Variants in MYT1L observed in about 807,000 individuals in gnomAD.
MYT1L encodes the protein myelin transcription factor 1-like protein.
MYT1L carries 12 observed loss-of-function variants against 126.7 expected under a neutral mutation model. That is an observed-to-expected ratio of 0.09 (90% confidence interval 0.06 to 0.15). The LOEUF (loss-of-function observed/expected upper bound fraction) is 0.15, where lower values mean the gene tolerates loss of function less well. Ranked by LOEUF, MYT1L falls within the 10% of genes least tolerant of loss-of-function variation. MYT1L has a pLI of 1.00. For synonymous variants in MYT1L, 541 were observed against 604.2 expected (o/e 0.90, Z 1.53); for missense variants, 979 against 1,585.2 (o/e 0.62, Z 6.49).
chr2:2,034,135 A>T (rs1357236241), intron 4 of MYT1L, among the ~76,000 whole-genome samples: 1 of 152,214 alleles, frequency 6.6e-6, no homozygotes, highest in Non-Finnish European at 1.5e-5. Context: ...CTGGTTAGTA[A>T]GTCGTAGGGA....
At chr2:1,808,848 G>C (rs2036133771) in intron 22 of MYT1L, among the ~76,000 whole-genome samples, 1 of 152,192 alleles carries the variant, frequency 6.6e-6, no homozygotes, top group Non-Finnish European at 1.5e-5. Context: ...TCAGGACTTG[G>C]GCTCATGATT....
rs769843630 is a variant in MYT1L at position 1,801,673 on chromosome 2, T to C, written c.3276+23A>G. The C allele has an allele frequency of 6.7e-7, 1 of 1,503,432 alleles. No homozygotes were observed. Among genetic ancestry groups the C allele is most frequent in the East Asian group, 2.3e-5 (1 of 44,264 alleles). The allele number at this position is 1,503,432 out of a possible 1,614,324, so 93.1% of individuals were successfully genotyped here. A position where few individuals can be genotyped will look rare whatever the true frequency, so the allele number is the denominator to read the frequency against. ...ATAATGGCGCGTGTTAGAGCTAAAA[T>C]TGAGGGCTTCAAAAACTGTTACCTG... On this transcript the variant is annotated intron_variant, in intron 23 of 24. Coordinates refer to ENST00000647738, the MANE Select transcript of MYT1L (RefSeq NM_001303052.2). This position sits in a 1 kb window ranked among gnomAD's most constrained non-coding sequence, Gnocchi z 4.2.
At chr2:1,796,775 C>T (rs1253385213) in intron 23 of MYT1L, among the ~76,000 whole-genome samples, 1 of 152,114 alleles carries the variant, frequency 6.6e-6, no homozygotes, top group Non-Finnish European at 1.5e-5. Context: ...CCCGTGTCTG[C>T]AGGACTCCCG....
rs758342649 is a variant in MYT1L at position 1,791,847 on chromosome 2, T to G, written c.*20A>C. ...AGAGGCATCCTTTTTAAGCAAGAGT[T>G]TCATCACTACAGCAGCTGTTCAGAC... On this transcript the variant is annotated 3_prime_UTR_variant, in exon 25 of 25. Transcript: ENST00000647738. The surrounding 1 kb of genome is among the most constrained non-coding windows in gnomAD (Gnocchi z 6.0). The G allele has an allele frequency of 3.3e-6, 5 of 1,535,372 alleles. No homozygotes were observed. In the South Asian group the frequency reaches 6.4e-5, roughly 20 times the overall value.
intron 3 of MYT1L, among the ~76,000 whole-genome samples, chr2:2,106,648 A>G (rs911822239): frequency 6.6e-6 from 1 of 152,066 alleles, no homozygotes; most frequent in African/African-American, 2.4e-5. Context: ...ATAAATAAAT[A>G]AATAAAATTC....
intron 5 of MYT1L, among the ~76,000 whole-genome samples, chr2:1,994,678 G>T (rs2061692741): frequency 6.6e-6 from 1 of 152,204 alleles, no homozygotes; most frequent in African/African-American, 2.4e-5. Context: ...CTATAGGGCT[G>T]TTCTGAGACT....
rs562791389 is a variant in MYT1L at position 2,185,683 on chromosome 2, C to G, written c.-420-12695G>C. ...GCCCGCGTTCCTTACGTGAGGGGGA[C>G]GCAGCCGGGCCTTCCGGGCCTTCCC... is the stretch of plus-strand genomic sequence containing the variant. On this transcript the variant is annotated intron_variant, in intron 2 of 24. Coordinates refer to ENST00000647738, the MANE Select transcript of MYT1L (RefSeq NM_001303052.2). Among the ~76,000 whole-genome samples the G allele has an allele frequency of 2.4e-3, 319 of 135,130 alleles. 4 individuals carry two copies. Among genetic ancestry groups the G allele is most frequent in the Admixed American group, 0.02 (269 of 13,654 alleles). The allele number at this position is 135,130 out of a possible 152,430, so 88.7% of individuals were successfully genotyped here. A position where few individuals can be genotyped will look rare whatever the true frequency, so the allele number is the denominator to read the frequency against.
At chr2:2,106,994 G>T (rs1014546136) in intron 3 of MYT1L, among the ~76,000 whole-genome samples, 1 of 152,150 alleles carries the variant, frequency 6.6e-6, no homozygotes, top group South Asian at 2.1e-4. Flanking sequence ...CGTGGGGTTA[G>T]TTAACCTTCC....
intron 4 of MYT1L, among the ~76,000 whole-genome samples, chr2:2,015,662 T>C (rs1014223829): frequency 1.3e-5 from 2 of 151,352 alleles, no homozygotes; most frequent in African/African-American, 4.9e-5. Context: ...GAAAACCACA[T>C]GAGGAAACAA....
chr2:2,289,340 A>G (rs2149450448), intron 1 of MYT1L, among the ~76,000 whole-genome samples: 1 of 152,332 alleles, frequency 6.6e-6, no homozygotes, highest in East Asian at 1.9e-4. Flanking sequence ...ATTTTACCCC[A>G]TATTTCAAGC....
chr2:2,074,627 C>T lies in MYT1L; in HGVS notation c.-303-20504G>A, dbSNP rs73911322. Among the ~76,000 whole-genome samples the T allele has an allele frequency of 8.6e-3, 1,302 of 152,242 alleles. 17 individuals are homozygous for T. Among genetic ancestry groups the T allele is most frequent in the African/African-American group, 0.026 (1,088 of 41,532 alleles). ...GCAAAAATGAAATACGGTGTCAATACAGTAAGAAAGAGCACACTGAACAAG... is the reference window on the plus strand; with the variant it reads ...GCAAAAATGAAATACGGTGTCAATATAGTAAGAAAGAGCACACTGAACAAG... On this transcript the variant is annotated intron_variant, in intron 3 of 24. Transcript: ENST00000647738.
chr2:2,194,505 G>T (rs555794338), intron 2 of MYT1L, among the ~76,000 whole-genome samples: 2 of 152,138 alleles, frequency 1.3e-5, no homozygotes, highest in African/African-American at 4.8e-5. Context: ...AGAAAGGTGC[G>T]ACATTCCTCT....
At chr2:2,085,545 GC>G (rs2076270924) in intron 3 of MYT1L, among the ~76,000 whole-genome samples, 2 of 152,070 alleles carry the variant, frequency 1.3e-5, no homozygotes, top group Non-Finnish European at 2.9e-5. Context: ...CCTCCCAAAG[GC>G]TTGTCATGCT....
intron 19 of MYT1L, chr2:1,841,609 CG>C (rs2041727110): frequency 6.6e-6 from 1 of 152,230 alleles, no homozygotes; most frequent in Non-Finnish European, 1.5e-5. Flanking sequence ...ACTGGTCCAC[CG>C]GGAGGGAGCA....
At chr2:2,302,232 C>T (rs1195604799) in intron 1 of MYT1L, among the ~76,000 whole-genome samples, 2 of 152,186 alleles carry the variant, frequency 1.3e-5, no homozygotes, top group African/African-American at 2.4e-5. Context: ...AATAGAAATT[C>T]ATTCTGCAAA....
intron 9 of MYT1L, among the ~76,000 whole-genome samples, chr2:1,933,032 G>A (rs961073190): frequency 1.3e-5 from 2 of 152,074 alleles, no homozygotes; most frequent in South Asian, 2.1e-4. Context: ...GGAGGCTCAC[G>A]GAGGACCTCT....
At chr2:2,056,501 T>C (rs2069583484) in intron 3 of MYT1L, among the ~76,000 whole-genome samples, 1 of 152,154 alleles carries the variant, frequency 6.6e-6, no homozygotes, top group Admixed American at 6.5e-5. Flanking sequence ...CATCCATCCG[T>C]CCATCCATCC....
chr2:1,816,413 T>A (rs2037646960), intron 21 of MYT1L: 1 of 152,608 alleles, frequency 6.6e-6, no homozygotes, highest in Admixed American at 6.5e-5. Flanking sequence ...CCCAGAAGCT[T>A]TGGGCCCCGG....
intron 8 of MYT1L, among the ~76,000 whole-genome samples, chr2:1,971,901 A>G (rs1175438404): frequency 6.6e-6 from 1 of 152,176 alleles, no homozygotes; most frequent in Non-Finnish European, 1.5e-5. Flanking sequence ...TCTTCACCCA[A>G]GTAAACCCCT....
Sources: allele counts gnomAD v4.1 joint callset (sites outside exome capture counted in the v4.1 genomes callset), GRCh38; gene constraint gnomAD v4.1.1; non-coding constraint Gnocchi (gnomAD v3.1); transcripts MANE v1.5; gene names NCBI Gene and HGNC (gene_info 2026-07-23, HGNC 2026-07-21).